The following RNF17 variants were observed in gnomAD, a reference collection of about 807,000 sequenced individuals.
The protein encoded by RNF17 is spermatogenesis associated 23.
Under a neutral mutation model 200.5 loss-of-function variants are expected in RNF17, and 31 were observed. That is an observed-to-expected ratio of 0.15 (90% confidence interval 0.12 to 0.21). The LOEUF is 0.21. Ranked by LOEUF, RNF17 falls within the 10% of genes least tolerant of loss-of-function variation. The pLI is 1.00. For missense variants in RNF17, 1,628 were observed against 1,905.1 expected (o/e 0.85, Z 2.71); for synonymous variants, 606 against 637.8 (o/e 0.95, Z 0.75).
At chr13:24,814,277 T>C (rs1318778161) in intron 15 of RNF17, among the ~76,000 whole-genome samples, 1 of 152,308 alleles carries the variant, frequency 6.6e-6, no homozygotes, top group East Asian at 1.9e-4. Flanking sequence ...TAATTGGAAC[T>C]GCGTAGTTCA....
intron 2 of RNF17, among the ~76,000 whole-genome samples, chr13:24,767,917 T>G (rs1490205002): frequency 6.6e-6 from 1 of 152,230 alleles, no homozygotes; most frequent in African/African-American, 2.4e-5. Flanking sequence ...TTTTGATTCT[T>G]TGGTGACTTC....
chr13:24,784,234 G>A (rs1882800849), intron 6 of RNF17, among the ~76,000 whole-genome samples: 1 of 152,188 alleles, frequency 6.6e-6, no homozygotes, highest in Non-Finnish European at 1.5e-5. Context: ...TGGTCATGGT[G>A]TATAATTCTC....
chr13:24,813,452 A>C (rs1189475152), intron 15 of RNF17, among the ~76,000 whole-genome samples: 1 of 152,156 alleles, frequency 6.6e-6, no homozygotes, highest in Non-Finnish European at 1.5e-5. Flanking sequence ...CACCATGCCC[A>C]AACCTTTGTC....
downstream of RNF17, among the ~76,000 whole-genome samples, chr13:24,881,903 GAT>G (rs1301781002): frequency 1.0e-5 from 1 of 97,782 alleles, no homozygotes; most frequent in East Asian, 3.4e-4. Context: ...CATCTATATA[GAT>G]ATATAGATAC....
chr13:24,762,849 G>A (rs545904665), upstream of RNF17, among the ~76,000 whole-genome samples: 1 of 152,214 alleles, frequency 6.6e-6, no homozygotes, highest in Non-Finnish European at 1.5e-5. Context: ...TGCTTAAAGA[G>A]TAAAGTCCAA....
the RNF17 span, among the ~76,000 whole-genome samples, chr13:24,754,542 A>G: frequency 0.3 from 45,692 of 151,986 alleles, 7,842 homozygotes; most frequent in East Asian, 0.49. Flanking sequence ...ACAACATTAT[A>G]TGATGCTTGG....
intron 33 of RNF17, among the ~76,000 whole-genome samples, chr13:24,876,091 T>G (rs1894825545): frequency 6.6e-6 from 1 of 152,212 alleles, no homozygotes; most frequent in South Asian, 2.1e-4. Context: ...CGCCCATTTT[T>G]GTCCAGTTAA....
intron 16 of RNF17, among the ~76,000 whole-genome samples, chr13:24,828,387 G>GT (rs1270573586): frequency 6.6e-6 from 1 of 151,786 alleles, no homozygotes; most frequent in East Asian, 1.9e-4. Context: ...TAGCTCTTTT[G>GT]TTTTTTATCT....
chr13:24,798,251 T>C (rs1475811035), intron 11 of RNF17, among the ~76,000 whole-genome samples: 1 of 152,192 alleles, frequency 6.6e-6, no homozygotes, highest in African/African-American at 2.4e-5. Context: ...AATTAGCCTA[T>C]GTGGTAAGAT....
downstream of RNF17, chr13:24,882,803 T>C (rs1593523746): frequency 4.2e-6 from 1 of 239,380 alleles, no homozygotes; most frequent in East Asian, 1.2e-4. Context: ...GTACACCTTC[T>C]GTACAAGTCC....
chr13:24,764,360 G>T (rs369073462), intron 1 of RNF17, 27 bp downstream of exon 1: 1 of 1,559,448 alleles, frequency 6.4e-7, no homozygotes, highest in Non-Finnish European at 8.7e-7. Context: ...CCCACCTAGC[G>T]GGGAGGCAGC....
the RNF17 span, chr13:24,885,192 C>G: frequency 1.1e-6 from 1 of 936,012 alleles, no homozygotes; most frequent in Non-Finnish European, 1.7e-6. Flanking sequence ...CCAAAGAGCC[C>G]TTATTTTAGA....
At chr13:24,809,563 C>T (rs1475491885) in intron 15 of RNF17, among the ~76,000 whole-genome samples, 2 of 152,016 alleles carry the variant, frequency 1.3e-5, no homozygotes. Flanking sequence ...AGCGGTCTAT[C>T]AATTTTGTTG....
At chr13:24,818,337 A>C (rs1036122659) in intron 15 of RNF17, among the ~76,000 whole-genome samples, 1 of 152,170 alleles carries the variant, frequency 6.6e-6, no homozygotes, top group African/African-American at 2.4e-5. Context: ...TGTAGGAAAA[A>C]AAAAGAAAAG....
chr13:24,769,087 TC>T (rs1259536087), intron 2 of RNF17, among the ~76,000 whole-genome samples: 1 of 148,736 alleles, frequency 6.7e-6, no homozygotes, highest in African/African-American at 2.5e-5. Flanking sequence ...TGGTAGTAGA[TC>T]CCTGATGGAT....
At chr13:24,850,153 GA>G (rs1013970678) in intron 22 of RNF17, among the ~76,000 whole-genome samples, 187 bp from the exon 23 acceptor site, 3 of 151,810 alleles carry the variant, frequency 2.0e-5, no homozygotes, top group Non-Finnish European at 4.4e-5. Context: ...ATAGAGGGAT[GA>G]AAAAAAGATA....
chr13:24,868,804 T>C, intron 31 of RNF17, 88 bp downstream of exon 31: 1 of 744,442 alleles, frequency 1.3e-6, no homozygotes, highest in Non-Finnish European at 2.3e-6. Flanking sequence ...CACTTCTCTA[T>C]TTTCCTGATT....
chr13:24,840,980 A>G (rs1785466722), intron 18 of RNF17, among the ~76,000 whole-genome samples: 1 of 152,180 alleles, frequency 6.6e-6, no homozygotes, highest in African/African-American at 2.4e-5. Context: ...TTAGCTTTTT[A>G]TTTAGAATCA....
At chr13:24,795,629 A>C (rs1272913651) in intron 10 of RNF17, among the ~76,000 whole-genome samples, 1 of 151,988 alleles carries the variant, frequency 6.6e-6, no homozygotes, top group African/African-American at 2.4e-5. Context: ...TTGCCTAGAC[A>C]TTTTTTCACA....
Sources: gnomAD v4.1 joint callset for allele counts (sites outside exome capture counted in the v4.1 genomes callset) on GRCh38, gnomAD v4.1.1 for gene constraint, MANE v1.5 for transcripts, NCBI Gene and HGNC (gene_info 2026-07-23, HGNC 2026-07-21) for gene names.